TDRD10: variants seen among roughly 807,000 people sequenced by gnomAD.
The protein encoded by TDRD10 is tudor domain-containing protein 10.
In TDRD10, 40 loss-of-function variants were observed where a neutral mutation model predicts 48.0. The ratio of observed to expected loss-of-function variants is 0.83; its 90% CI spans 0.65 to 1.09. The LOEUF (loss-of-function observed/expected upper bound fraction) is 1.09. Ranked by LOEUF, TDRD10 falls within the 50% of genes least tolerant of loss-of-function variation. The probability of loss-of-function intolerance (pLI) is 0.00; values close to 1 mark genes in which losing one functional copy is unlikely to be tolerated. For synonymous variants in TDRD10, 162 were observed against 170.4 expected (o/e 0.95, Z 0.38); for missense variants, 378 against 434.7 (o/e 0.87, Z 1.16).
At chr1:154,544,697 C>T in intron 10 of TDRD10, 98 bp from the exon 11 acceptor site, 5 of 1,520,914 alleles carry the variant, frequency 3.3e-6, no homozygotes, top group Non-Finnish European at 4.4e-6. Flanking sequence ...CGCTCTTCCT[C>T]CCTCCTACCT....
chr1:154,518,268 C>G (rs1190635993), intron 4 of TDRD10, among the ~76,000 whole-genome samples: 2 of 152,152 alleles, frequency 1.3e-5, no homozygotes, highest in Non-Finnish European at 2.9e-5. Context: ...GACAATACTT[C>G]TAGTTTGCTT....
intron 6 of TDRD10, among the ~76,000 whole-genome samples, chr1:154,541,598 G>A (rs1457579003): frequency 6.6e-6 from 1 of 152,102 alleles, no homozygotes; most frequent in Admixed American, 6.5e-5. Context: ...GCTGTGGGGA[G>A]TGGCAGGGCA....
intron 11 of TDRD10, 95 bp from the exon 12 acceptor site, chr1:154,547,314 A>AC: frequency 7.4e-7 from 1 of 1,348,228 alleles, no homozygotes; most frequent in Non-Finnish European, 1.0e-6. Context: ...CGGCCAGAGC[A>AC]CTTTCCCTGC....
rs1190087665 is a variant in TDRD10 at position 154,544,780 on chromosome 1, CTT to C, written c.798-12_798-11del. 1 of 1,613,092 alleles carries C rather than the reference CTT, an allele frequency of 6.2e-7. No individual in the cohort carries two copies. On this transcript the variant is annotated splice_polypyrimidine_tract_variant and intron_variant, in intron 10 of 12. Coordinates refer to ENST00000368482, the MANE Select transcript of TDRD10 (RefSeq NM_182499.4). The stretch of plus-strand genomic sequence containing the variant: ...CGGAATGATTGTCCTCTGTCTTTCT[CTT>C]TTCCTCTGCCAGGTGTTGGGTGCTG...
intron 4 of TDRD10, among the ~76,000 whole-genome samples, chr1:154,510,268 T>C (rs1253444755): frequency 6.9e-6 from 1 of 145,372 alleles, no homozygotes; most frequent in Non-Finnish European, 1.5e-5. Context: ...AAATTTTGAA[T>C]GGTAACATTA....
intron 1 of TDRD10, among the ~76,000 whole-genome samples, chr1:154,503,481 A>G (rs2149305722): frequency 6.6e-6 from 1 of 152,262 alleles, no homozygotes; most frequent in East Asian, 1.9e-4. Flanking sequence ...GCAGCTACTC[A>G]GGAGGCTGAG....
intron 11 of TDRD10, among the ~76,000 whole-genome samples, chr1:154,546,377 A>G (rs1390847772): frequency 7.2e-6 from 1 of 138,998 alleles, no homozygotes; most frequent in African/African-American, 2.6e-5. Context: ...CGGCCAAAAT[A>G]TATATATATA....
chr1:154,532,794 C>T (rs12407048), intron 6 of TDRD10, among the ~76,000 whole-genome samples: 76,895 of 152,108 alleles, frequency 0.51, 22,578 homozygotes, highest in East Asian at 0.76. Flanking sequence ...CAGGGGAACA[C>T]GGTACTGCCT....
intron 8 of TDRD10, among the ~76,000 whole-genome samples, 177 bp downstream of exon 8, chr1:154,542,998 G>A (rs574897168): frequency 2.6e-5 from 4 of 152,140 alleles, no homozygotes; most frequent in South Asian, 4.1e-4. Context: ...CTTCCCAGCC[G>A]GGGGCAGTGA....
At chr1:154,515,402 AGCCTCCAGT>A (rs1693706504) in intron 4 of TDRD10, among the ~76,000 whole-genome samples, 1 of 152,136 alleles carries the variant, frequency 6.6e-6, no homozygotes, top group Admixed American at 6.5e-5. Context: ...TCCACTCAGA[AGCCTCCAGT>A]GGCTTCCCTT....
intron 6 of TDRD10, among the ~76,000 whole-genome samples, chr1:154,530,308 C>T (rs1211622114): frequency 6.6e-6 from 1 of 152,066 alleles, no homozygotes; most frequent in East Asian, 1.9e-4. Context: ...AAGTGTCTGG[C>T]CTAAAAACAT....
chr1:154,505,557 A>G (rs1693101185), intron 1 of TDRD10, among the ~76,000 whole-genome samples: 1 of 152,234 alleles, frequency 6.6e-6, no homozygotes, highest in Non-Finnish European at 1.5e-5. Context: ...AATTTAGAGA[A>G]AAGAGTTACT....
intron 11 of TDRD10, among the ~76,000 whole-genome samples, chr1:154,546,396 ATG>A (rs111828860): frequency 3.4e-5 from 5 of 146,346 alleles, no homozygotes; most frequent in African/African-American, 1.2e-4. Flanking sequence ...TATAAAATAT[ATG>A]TATAATGTAA....
chr1:154,545,704 T>C (rs939646970), intron 11 of TDRD10, among the ~76,000 whole-genome samples: 1 of 151,558 alleles, frequency 6.6e-6, no homozygotes, highest in Non-Finnish European at 1.5e-5. Context: ...CCTCTCAAAG[T>C]GCTGGGATGA....
intron 4 of TDRD10, among the ~76,000 whole-genome samples, chr1:154,511,392 G>A (rs12023772): frequency 0.14 from 21,300 of 151,870 alleles, 2,215 homozygotes; most frequent in East Asian, 0.4. Flanking sequence ...CCAGCACTTT[G>A]GGAGGCCGAG....
Position 154,544,011 on chromosome 1 carries a change from C to A in TDRD10, c.552C>A (p.Ser184Arg). Reference protein sequence around the residue: ...LLLRECFRDLSWLALIHSVRG... With the variant: ...LLLRECFRDLRWLALIHSVRG... ...TGAGGGAATGCTTCCGAGACCTGAG[C>A]TGGCTGGCACTCATCCATAGCGTCC... is the stretch of plus-strand genomic sequence containing the variant. The change falls in exon 9 of 13, where the codon AGC becomes AGA. Residue 184 changes from serine to arginine, a missense_variant. Transcript: ENST00000368482. 1 of 1,614,242 alleles carries A rather than the reference C, an allele frequency of 6.2e-7. No individual in the cohort carries two copies. Among genetic ancestry groups the A allele is most frequent in the African/African-American group, 1.3e-5 (1 of 75,072 alleles).
chr1:154,522,975 G>A (rs1694132211), intron 6 of TDRD10, among the ~76,000 whole-genome samples: 1 of 152,120 alleles, frequency 6.6e-6, no homozygotes, highest in Non-Finnish European at 1.5e-5. Context: ...GAGTGCAGTG[G>A]AGTTATCTCA....
chr1:154,509,826 TGGG>T, intron 4 of TDRD10: 1 of 985,396 alleles, frequency 1.0e-6, no homozygotes, highest in Non-Finnish European at 1.2e-6. Context: ...GACAGTGAAG[TGGG>T]CAGAGGAGCC....
At chr1:154,523,108 G>T (rs992745184) in intron 6 of TDRD10, among the ~76,000 whole-genome samples, 8 of 152,236 alleles carry the variant, frequency 5.3e-5, no homozygotes, top group Middle Eastern at 3.4e-3. Flanking sequence ...GTTTCACCAC[G>T]TTGACCAGGC....
Sources: allele counts gnomAD v4.1 joint callset (sites outside exome capture counted in the v4.1 genomes callset), GRCh38; gene constraint gnomAD v4.1.1; transcripts MANE v1.5; gene names NCBI Gene and HGNC (gene_info 2026-07-23, HGNC 2026-07-21).